TTLL11: variants seen among roughly 807,000 people sequenced by gnomAD.
TTLL11 encodes the protein tubulin polyglutamylase TTLL11.
A neutral mutation model predicts 51.7 loss-of-function variants in TTLL11; 42 were observed. That is an observed-to-expected ratio of 0.81 (90% CI 0.64 to 1.05). The LOEUF is 1.05. TTLL11 is among the 50% of genes least tolerant of loss of function. The pLI is 0.00. For synonymous variants in TTLL11, 381 were observed against 383.5 expected, an observed-to-expected ratio of 0.99 and a Z score of 0.08; for missense variants, 799 against 940.4, an observed-to-expected ratio of 0.85 and a Z score of 1.97.
chr9:121,965,175 T>C (rs567430262), intron 6 of TTLL11, among the ~76,000 whole-genome samples: 1 of 152,322 alleles, frequency 6.6e-6, no homozygotes, highest in South Asian at 2.1e-4. Context: ...CAATGTGTGC[T>C]GGTCTGCAGG....
At chr9:121,879,768 C>CTG (rs1484615607) in intron 6 of TTLL11, among the ~76,000 whole-genome samples, 2 of 76,914 alleles carry the variant, frequency 2.6e-5, no homozygotes, top group Admixed American at 1.0e-4. Context: ...TGAATCTAGA[C>CTG]CAGGCTGGGC....
intron 6 of TTLL11, among the ~76,000 whole-genome samples, chr9:121,898,821 G>A (rs4271039): frequency 0.12 from 18,868 of 152,180 alleles, 1,388 homozygotes; most frequent in Admixed American, 0.21. Flanking sequence ...TAGACTTCAC[G>A]CAACACATCC....
intron 1 of TTLL11, among the ~76,000 whole-genome samples, chr9:122,052,272 G>A (rs1340447747): frequency 3.3e-5 from 5 of 152,122 alleles, no homozygotes; most frequent in Non-Finnish European, 7.4e-5. Context: ...CCAACTGAGG[G>A]GCTCAGGAAG....
chr9:121,967,312 C>T (rs1055937626), intron 6 of TTLL11, among the ~76,000 whole-genome samples: 3 of 149,950 alleles, frequency 2.0e-5, no homozygotes, highest in African/African-American at 7.4e-5. Flanking sequence ...GCAACCTCCG[C>T]CTCCCGGGTT....
At chr9:122,040,532 G>C in intron 1 of TTLL11, 2 of 480,456 alleles carry the variant, frequency 4.2e-6, no homozygotes, top group Non-Finnish European at 5.4e-6. Context: ...GAATTTGCTT[G>C]TTAAAAGTGC....
chr9:121,962,308 A>G (rs1300122862), intron 6 of TTLL11, among the ~76,000 whole-genome samples: 2 of 152,172 alleles, frequency 1.3e-5, no homozygotes, highest in African/African-American at 4.8e-5. Flanking sequence ...GGGAAGCAGC[A>G]TCTGTCTTCT....
intron 2 of TTLL11, among the ~76,000 whole-genome samples, chr9:122,036,007 C>A (rs980455890): frequency 5.9e-5 from 9 of 152,272 alleles, no homozygotes; most frequent in Admixed American, 2.6e-4. Flanking sequence ...GCATGGGGAT[C>A]AGGCCCATCC....
intron 1 of TTLL11, among the ~76,000 whole-genome samples, chr9:122,042,324 C>T (rs1564371742): frequency 6.6e-6 from 1 of 152,138 alleles, no homozygotes; most frequent in Non-Finnish European, 1.5e-5. Context: ...TTTCCTGATG[C>T]CAAAAACAAA....
At chr9:121,987,131 G>A (rs1413263513) in intron 4 of TTLL11, among the ~76,000 whole-genome samples, 14 of 151,988 alleles carry the variant, frequency 9.2e-5, no homozygotes, top group Admixed American at 9.2e-4. Context: ...ATTTTCAAAA[G>A]CAAGGAAATA....
At chr9:121,887,667 G>A (rs771340502) in intron 6 of TTLL11, among the ~76,000 whole-genome samples, 1 of 152,226 alleles carries the variant, frequency 6.6e-6, no homozygotes, top group Non-Finnish European at 1.5e-5. Flanking sequence ...CCAGAAGGCC[G>A]ACCACAGCGA....
At position 121,989,207 on chromosome 9, in the gene TTLL11, G is replaced by A; in HGVS notation, c.1257C>T (p.Pro419=). ...TGGCAATGGTTACCTGGAAGCACGTGGGGCCCGGCCTCCCCGTGGGGATGT... is the reference window on the plus strand; with the variant it reads ...TGGCAATGGTTACCTGGAAGCACGTAGGGCCCGGCCTCCCCGTGGGGATGT... ...QSDIPTGRPG[P]TCFQILGFDI... The change falls in exon 4 of 9, where the codon CCC becomes CCT. Residue 419 remains proline, a synonymous_variant. Transcript: ENST00000321582. This position sits in a 1 kb window ranked among gnomAD's most constrained non-coding sequence, Gnocchi z 4.2. The A allele has an allele frequency of 6.2e-7, 1 of 1,613,812 alleles. No homozygotes were observed. The highest frequency in any genetic ancestry group is 8.5e-7 in the Non-Finnish European group (1 of 1,179,738).
intron 1 of TTLL11, among the ~76,000 whole-genome samples, chr9:122,085,996 G>A (rs116417449): frequency 5.6e-4 from 86 of 152,232 alleles, no homozygotes; most frequent in African/African-American, 1.9e-3. Flanking sequence ...ATACGTTCAA[G>A]AACAGATTTA....
At chr9:122,081,010 A>G (rs1032698127) in intron 1 of TTLL11, among the ~76,000 whole-genome samples, 2 of 152,260 alleles carry the variant, frequency 1.3e-5, no homozygotes, top group African/African-American at 4.8e-5. Context: ...GAAAGCAGTC[A>G]TTCCATCTCA....
chr9:122,033,186 T>C (rs1053753557), intron 2 of TTLL11, among the ~76,000 whole-genome samples: 1 of 151,848 alleles, frequency 6.6e-6, no homozygotes, highest in Non-Finnish European at 1.5e-5. Flanking sequence ...GATCTTGGCT[T>C]ACTGCAACCG....
rs77808784 is a variant in TTLL11, at chr9:121,980,205, C to G, written c.1270-5226G>C. 3.4e-4 allele frequency among the ~76,000 whole-genome samples: 51 copies of G among 151,520 alleles called. No homozygotes were observed. The East Asian group carries it at 8.7e-3, about 26-fold the overall frequency. ...GCCTTTCTTTTTTCATTTTTTTTCA[C>G]AGCAAAATAAGTTTTTTATTGAAAA... is the stretch of plus-strand genomic sequence containing the variant. On this transcript the variant is annotated intron_variant, in intron 4 of 8. Coordinates refer to ENST00000321582, the MANE Select transcript of TTLL11 (RefSeq NM_001139442.2).
rs187252715 is a variant in TTLL11, at chr9:122,063,875, G to A, written c.463-24507C>T. Among the ~76,000 whole-genome samples, 10 of 152,312 alleles carry A rather than the reference G, an allele frequency of 6.6e-5. No individual in the cohort carries two copies. The East Asian group carries it at 1.9e-3, about 29-fold the overall frequency. On this transcript the variant is annotated intron_variant, in intron 1 of 8. Coordinates refer to ENST00000321582, the MANE Select transcript of TTLL11 (RefSeq NM_001139442.2). ...GGCGGCCTCCTTTTGCCAATGTATGGAAGGAAGAGCCTATTAACAGCAAGT... is the reference window on the plus strand; with the variant it reads ...GGCGGCCTCCTTTTGCCAATGTATGAAAGGAAGAGCCTATTAACAGCAAGT...
intron 2 of TTLL11, among the ~76,000 whole-genome samples, chr9:122,036,371 C>A (rs1040214289): frequency 6.6e-6 from 1 of 151,844 alleles, no homozygotes; most frequent in African/African-American, 2.4e-5. Flanking sequence ...AAGACCTGCT[C>A]AGAACCTGAG....
rs1238392336 is a variant in TTLL11, at chr9:121,819,033, G to C, written c.*3554C>G. On this transcript the variant is annotated 3_prime_UTR_variant, in exon 9 of 9. Coordinates refer to ENST00000321582, the MANE Select transcript of TTLL11 (RefSeq NM_001139442.2). ...GGCGAGAGACCGTGTCCGAGTTTGGGGGACTGGACAGAGGCTGGGAGGAGA... is the reference window on the plus strand; with the variant it reads ...GGCGAGAGACCGTGTCCGAGTTTGGCGGACTGGACAGAGGCTGGGAGGAGA... 6.5e-6 allele frequency: 1 copy of C among 152,812 alleles called. No individual in the cohort carries two copies. The highest frequency in any genetic ancestry group is 1.5e-5 in the Non-Finnish European group (1 of 68,466). 9.5% of individuals were successfully genotyped at this position (152,812 alleles called of 1,614,324 possible). A position where few individuals can be genotyped will look rare whatever the true frequency, so the allele number is the denominator to read the frequency against.
At position 121,889,579 on chromosome 9, in the gene TTLL11, T is replaced by C. The variant is rs1000037547; in HGVS notation, c.1482-18831A>G. 3.3e-5 allele frequency among the ~76,000 whole-genome samples: 5 copies of C among 152,222 alleles called. No individual in the cohort carries two copies. The East Asian group carries it at 9.7e-4, about 29-fold the overall frequency. On this transcript the variant is annotated intron_variant, in intron 6 of 8. Transcript: ENST00000321582. The stretch of plus-strand genomic sequence containing the variant: ...ACCACCACTCTACTTTCTGACTCTA[T>C]GAATTTGACTACTCTAGGTGCCTCA...
Sources: gnomAD v4.1 joint callset for allele counts (sites outside exome capture counted in the v4.1 genomes callset) on GRCh38, gnomAD v4.1.1 for gene constraint, Gnocchi (gnomAD v3.1) non-coding constraint, MANE v1.5 for transcripts, NCBI Gene and HGNC (gene_info 2026-07-23, HGNC 2026-07-21) for gene names.